The following CECR2 variants were observed in gnomAD, a reference collection of about 807,000 sequenced individuals.
CECR2 encodes the protein chromatin remodeling regulator CECR2.
Under a neutral mutation model 154.5 loss-of-function variants are expected in CECR2, and 30 were observed. The observed-to-expected ratio is 0.19, with a 90% CI of 0.15 to 0.26. CECR2 has a LOEUF of 0.26. Among genes scored for constraint, CECR2 ranks in the 10% least tolerant of loss-of-function variants. CECR2 has a pLI of 1.00. For missense variants in CECR2, 1,743 were observed against 1,829.3 expected, an observed-to-expected ratio of 0.95 and a Z score of 0.86; for synonymous variants, 725 against 683.7, an observed-to-expected ratio of 1.06 and a Z score of -0.94.
intron 9 of CECR2, among the ~76,000 whole-genome samples, chr22:17,527,115 T>C (rs541853818): frequency 9.2e-5 from 14 of 152,272 alleles, no homozygotes; most frequent in African/African-American, 3.4e-4. Context: ...TAATCGGATA[T>C]TAAAATGGGC....
rs192206350 is a variant in CECR2, at chr22:17,457,790, T to C, written c.127-19798T>C. On this transcript the variant is annotated intron_variant, in intron 1 of 18. Coordinates refer to ENST00000262608, the MANE Select transcript of CECR2 (RefSeq NM_001290047.2). ...TGGTGAATGCTTAACAAAAGCATGG[T>C]ACAGCCATTCCATAGACTACTCCTC... 3.0e-3 allele frequency among the ~76,000 whole-genome samples: 459 copies of C among 152,322 alleles called. 1 individual carries two copies. The highest frequency in any genetic ancestry group is 0.02 in the Middle Eastern group (6 of 294).
chr22:17,454,077 A>G (rs574956191), intron 1 of CECR2, among the ~76,000 whole-genome samples: 1 of 152,186 alleles, frequency 6.6e-6, no homozygotes, highest in Non-Finnish European at 1.5e-5. Flanking sequence ...CCTTATTTGT[A>G]AAATGGACCA....
intron 1 of CECR2, among the ~76,000 whole-genome samples, chr22:17,400,865 C>T (rs945962875): frequency 2.6e-5 from 4 of 152,170 alleles, no homozygotes; most frequent in Admixed American, 6.5e-5. Flanking sequence ...GTCCTCTGGC[C>T]TCAGCCTCCT....
chr22:17,455,191 A>T (rs1445960633), intron 1 of CECR2, among the ~76,000 whole-genome samples: 1 of 152,268 alleles, frequency 6.6e-6, no homozygotes, highest in Non-Finnish European at 1.5e-5. Context: ...TGCTTGGACC[A>T]GTATAAGCAT....
At chr22:17,503,269 A>G in intron 6 of CECR2, 138 bp downstream of exon 6, 1 of 700,514 alleles carries the variant, frequency 1.4e-6, no homozygotes, top group Non-Finnish European at 2.4e-6. Flanking sequence ...ACTCTTCTTC[A>G]GTTCTCCTCC....
chr22:17,534,623 T>C (rs1370834359), intron 9 of CECR2: 1 of 150,384 alleles, frequency 6.6e-6, no homozygotes, highest in Non-Finnish European at 1.5e-5. Flanking sequence ...TTCTCTTGCC[T>C]CAGCCTCCCG....
intron 2 of CECR2, among the ~76,000 whole-genome samples, chr22:17,485,967 C>T (rs1182498440): frequency 1.3e-5 from 2 of 152,092 alleles, no homozygotes; most frequent in African/African-American, 2.4e-5. Flanking sequence ...TGCTTTAAAA[C>T]GTGGGTTTTG....
chr22:17,428,560 A>T (rs2054366910), intron 1 of CECR2: 1 of 152,254 alleles, frequency 6.6e-6, no homozygotes, highest in Admixed American at 6.5e-5. Context: ...AAGCATGATT[A>T]TTTCCCCCCA....
At chr22:17,374,917 T>G (rs2063099869) in intron 1 of CECR2, among the ~76,000 whole-genome samples, 1 of 152,040 alleles carries the variant, frequency 6.6e-6, no homozygotes, top group Non-Finnish European at 1.5e-5. Context: ...TCTGCCTGTT[T>G]CTACCACATC....
At position 17,433,737 on chromosome 22, in the gene CECR2, G is replaced by A. The variant is rs184757447; in HGVS notation, c.127-43851G>A. 2.6e-5 allele frequency among the ~76,000 whole-genome samples: 4 copies of A among 152,310 alleles called. No individual in the cohort carries two copies. The East Asian group carries it at 7.7e-4, about 29-fold the overall frequency. Reference sequence around the variant, plus strand: ...ACTGGAATTACAGGCATGAGTCACTGTACGTGGCCTCCTATCTTCACAGTG... The same window carrying A: ...ACTGGAATTACAGGCATGAGTCACTATACGTGGCCTCCTATCTTCACAGTG... On this transcript the variant is annotated intron_variant, in intron 1 of 18. Coordinates refer to ENST00000262608, the MANE Select transcript of CECR2 (RefSeq NM_001290047.2).
chr22:17,376,264 GC>G (rs1232642982), intron 1 of CECR2, among the ~76,000 whole-genome samples: 2 of 152,182 alleles, frequency 1.3e-5, no homozygotes, highest in Admixed American at 1.3e-4. Flanking sequence ...AGCTTCAAAG[GC>G]TTCACAGTTG....
chr22:17,499,267 G>C (rs1272660933), intron 3 of CECR2, 143 bp from the exon 4 acceptor site: 1 of 918,108 alleles, frequency 1.1e-6, no homozygotes, highest in African/African-American at 1.7e-5. Context: ...GGGATTACAG[G>C]CGTGAGCCAC....
rs192231101 is a variant in CECR2, at chr22:17,413,470, G to C, written c.126+43561G>C. 8.7e-4 allele frequency among the ~76,000 whole-genome samples: 133 copies of C among 152,210 alleles called. 2 individuals are homozygous for C. The highest frequency in any genetic ancestry group is 3.1e-3 in the African/African-American group (127 of 41,522). On this transcript the variant is annotated intron_variant, in intron 1 of 18. Coordinates refer to ENST00000262608, the MANE Select transcript of CECR2 (RefSeq NM_001290047.2). ...CTATTCTGCAGCTGCCTGGCTTGTG[G>C]ACTCCATTAACATTGTTCAGACCTG...
chr22:17,374,060 C>T (rs1196303394), intron 1 of CECR2, among the ~76,000 whole-genome samples: 1 of 152,158 alleles, frequency 6.6e-6, no homozygotes, highest in Non-Finnish European at 1.5e-5. Context: ...TTTCAGTAAT[C>T]ATGATGGATG....
intron 2 of CECR2, among the ~76,000 whole-genome samples, chr22:17,482,760 CCTTT>C (rs1414512154): frequency 8.7e-6 from 1 of 115,072 alleles, no homozygotes; most frequent in Non-Finnish European, 1.8e-5. Flanking sequence ...GTTTTGAACT[CCTTT>C]TTTTTTTTTT....
intron 16 of CECR2, among the ~76,000 whole-genome samples, chr22:17,544,948 G>A (rs2056588443): frequency 6.6e-6 from 1 of 151,860 alleles, no homozygotes; most frequent in Admixed American, 6.6e-5. Context: ...CTCCATCCTG[G>A]GCAACAGAGC....
chr22:17,505,534 C>CTTTTTTTTTTT (rs11387639), intron 7 of CECR2, among the ~76,000 whole-genome samples: 16 of 98,842 alleles, frequency 1.6e-4, no homozygotes, highest in Admixed American at 2.5e-4. Flanking sequence ...CCTCTTTTTC[C>CTTTTTTTTTTT]TTTTTTTTTT....
At chr22:17,426,616 C>A (rs1230761014) in intron 1 of CECR2, among the ~76,000 whole-genome samples, 3 of 152,248 alleles carry the variant, frequency 2.0e-5, no homozygotes, top group Non-Finnish European at 4.4e-5. Context: ...CTCAGCCTCC[C>A]AAAGTGTTGG....
rs189960882 is a variant in CECR2, at chr22:17,364,050, T to C, written c.-364+4027T>C. ...GCTGTTCATGAAGGGTTGTCAAGAA[T>C]TTGTGCCATACTCCCGGGCGCGGTG... is the stretch of plus-strand genomic sequence containing the variant. On this transcript the variant is annotated intron_variant, in intron 1 of 18. Transcript: ENST00000400585. Among the ~76,000 whole-genome samples the C allele has an allele frequency of 2.0e-3, 301 of 152,088 alleles. 1 individual carries two copies. The highest frequency in any genetic ancestry group is 6.8e-3 in the African/African-American group (284 of 41,496).
Sources: gnomAD v4.1 joint callset for allele counts (sites outside exome capture counted in the v4.1 genomes callset) on GRCh38, gnomAD v4.1.1 for gene constraint, MANE v1.5 for transcripts, NCBI Gene and HGNC (gene_info 2026-07-23, HGNC 2026-07-21) for gene names.